The following HERC3 variants were observed in gnomAD, a reference collection of about 807,000 sequenced individuals.
HERC3 encodes the protein probable E3 ubiquitin-protein ligase HERC3.
In HERC3, 58 loss-of-function variants were observed where a neutral mutation model predicts 129.9. That is an observed-to-expected ratio of 0.45 (90% CI 0.36 to 0.56). HERC3 has a LOEUF of 0.56. Ranked by LOEUF, HERC3 falls within the 20% of genes least tolerant of loss-of-function variation. The pLI is 0.00. For synonymous variants in HERC3, 430 were observed against 451.0 expected (o/e 0.95, Z 0.59); for missense variants, 835 against 1,244.2 (o/e 0.67, Z 4.95).
chr4:88,601,036 C>A (rs1270696719), intron 2 of HERC3, among the ~76,000 whole-genome samples: 2 of 152,212 alleles, frequency 1.3e-5, no homozygotes, highest in Admixed American at 6.5e-5. Flanking sequence ...ACCACCACTA[C>A]CCTGCCAGTT....
In HERC3 at chr4:88,669,884, C is replaced by A; in HGVS notation, c.1658C>A (p.Pro553Gln). ...GATAACTGGTGGTCTCAGGTATGCC[C>A]GAAATATTTCATGAAGCTGGTAAAC... ...VLDNWWSQVC[P>Q]KYFMKLVNLY... is the part of the protein sequence containing the mutation. The change falls in exon 15 of 26, where the codon CCG (proline) becomes CAG (glutamine). Residue 553 changes from proline to glutamine, a missense_variant. Pro to Gln is a moderately conservative substitution (Grantham distance 76). Transcript: ENST00000402738. 6.2e-7 allele frequency: 1 copy of A among 1,613,260 alleles called. No individual in the cohort carries two copies. Among genetic ancestry groups the A allele is most frequent in the South Asian group, 1.1e-5 (1 of 91,020 alleles).
chr4:88,540,332 G>A, the HERC3 span, among the ~76,000 whole-genome samples: 2 of 152,154 alleles, frequency 1.3e-5, no homozygotes, highest in Non-Finnish European at 2.9e-5. Context: ...TGATCAAGTG[G>A]AAGAAAAGAT....
chr4:88,681,519 A>G (rs1020530843), intron 21 of HERC3, among the ~76,000 whole-genome samples, 194 bp downstream of exon 21: 1 of 152,154 alleles, frequency 6.6e-6, no homozygotes, highest in Non-Finnish European at 1.5e-5. Context: ...TCGGTACAGT[A>G]TCGGTATCCG....
intron 3 of HERC3, among the ~76,000 whole-genome samples, chr4:88,618,866 A>G (rs1371953130): frequency 6.6e-6 from 1 of 152,206 alleles, no homozygotes; most frequent in African/African-American, 2.4e-5. Flanking sequence ...AACAACTAAC[A>G]CTATTTTTAA....
At chr4:88,648,342 G>A (rs1449455061) in intron 3 of HERC3, among the ~76,000 whole-genome samples, 1 of 152,114 alleles carries the variant, frequency 6.6e-6, no homozygotes, top group African/African-American at 2.4e-5. Flanking sequence ...TGTTTTGGAG[G>A]CATATCTTCC....
the HERC3 span, among the ~76,000 whole-genome samples, chr4:88,579,355 C>T: frequency 1.3e-5 from 2 of 151,728 alleles, no homozygotes; most frequent in African/African-American, 2.4e-5. Flanking sequence ...TGCAGTGGGC[C>T]GAGATGGCGT....
intron 21 of HERC3, among the ~76,000 whole-genome samples, chr4:88,684,371 A>C (rs577750993): frequency 1.3e-5 from 2 of 152,348 alleles, no homozygotes; most frequent in East Asian, 3.9e-4. Context: ...TGAGGAAAGG[A>C]TTCCCTATTT....
the HERC3 span, among the ~76,000 whole-genome samples, chr4:88,572,818 ATAAT>A: frequency 3.5e-5 from 5 of 144,026 alleles, no homozygotes; most frequent in African/African-American, 1.3e-4. Context: ...AAAAAAAAAA[ATAAT>A]AATAATAATA....
At chr4:88,647,986 C>T (rs1235119060) in intron 3 of HERC3, among the ~76,000 whole-genome samples, 4 of 151,988 alleles carry the variant, frequency 2.6e-5, no homozygotes, top group Admixed American at 2.0e-4. Context: ...CTCATCCTTC[C>T]CCAAAGAGTT....
the HERC3 span, among the ~76,000 whole-genome samples, chr4:88,539,328 A>C: frequency 1.3e-5 from 2 of 152,064 alleles, no homozygotes; most frequent in Admixed American, 1.3e-4. Flanking sequence ...CTAGCACAGC[A>C]GTCTGAAATC....
At chr4:88,579,232 A>AAAATATATATATAT in the HERC3 span, among the ~76,000 whole-genome samples, 10 of 104,090 alleles carry the variant, frequency 9.6e-5, no homozygotes, top group African/African-American at 6.1e-4. Context: ...AAAAAAAAAA[A>AAAATATATATATAT]ATATATATAT....
rs1369432579 is a variant in HERC3 at position 88,690,206 on chromosome 4, G to C, written c.2657+2907G>C. 3 of 979,798 alleles carry C rather than the reference G, an allele frequency of 3.1e-6. No homozygotes were observed. In the East Asian group the frequency reaches 3.4e-4, roughly 112 times the overall value. The allele number at this position is 979,798 out of a possible 1,614,324, so 60.7% of individuals were successfully genotyped here. On this transcript the variant is annotated intron_variant, in intron 23 of 25. Coordinates refer to ENST00000402738, the MANE Select transcript of HERC3 (RefSeq NM_014606.3). Reference sequence around the variant, plus strand: ...TCCTTTATATAACATTGGTACTTTTGTTAACAGTAAATAATTTATCTTCAG... The same window carrying C: ...TCCTTTATATAACATTGGTACTTTTCTTAACAGTAAATAATTTATCTTCAG...
At chr4:88,663,789 GA>G (rs1730757469) in intron 11 of HERC3, among the ~76,000 whole-genome samples, 1 of 152,324 alleles carries the variant, frequency 6.6e-6, no homozygotes, top group Admixed American at 6.5e-5. Context: ...CTGTGTTCGG[GA>G]AGTAACAGCT....
At chr4:88,587,948 C>T (rs545430292), upstream of HERC3, among the ~76,000 whole-genome samples, 2 of 152,210 alleles carry the variant, frequency 1.3e-5, no homozygotes, top group Non-Finnish European at 2.9e-5. Context: ...AAAGGAGGAA[C>T]CTTCACGAAA....
At chr4:88,538,566 C>T in the HERC3 span, among the ~76,000 whole-genome samples, 6 of 129,404 alleles carry the variant, frequency 4.6e-5, no homozygotes, top group East Asian at 2.3e-4. Flanking sequence ...TTTTTTTTGA[C>T]GAAGTCTCGC....
At chr4:88,629,663 G>A (rs1412051857) in intron 3 of HERC3, among the ~76,000 whole-genome samples, 2 of 152,070 alleles carry the variant, frequency 1.3e-5, no homozygotes, top group African/African-American at 4.8e-5. Context: ...TACTAACATT[G>A]GGTGTAACTT....
At chr4:88,536,387 C>T in the HERC3 span, among the ~76,000 whole-genome samples, 2 of 152,156 alleles carry the variant, frequency 1.3e-5, no homozygotes, top group African/African-American at 4.8e-5. Context: ...TAACTCCTTC[C>T]TTCTCCCTGC....
At chr4:88,585,791 G>A in the HERC3 span, among the ~76,000 whole-genome samples, 22,521 of 152,052 alleles carry the variant, frequency 0.15, 3,453 homozygotes, top group African/African-American at 0.39. Flanking sequence ...GTTAACCTAA[G>A]CTAATGTTTA....
chr4:88,696,989 T>A (rs912227236), intron 23 of HERC3: 3 of 456,986 alleles, frequency 6.6e-6, no homozygotes, highest in Non-Finnish European at 1.1e-5. Context: ...CTTTAACACC[T>A]TTTGATATAT....
Sources: gnomAD v4.1 joint callset for allele counts (sites outside exome capture counted in the v4.1 genomes callset) on GRCh38, gnomAD v4.1.1 for gene constraint, MANE v1.5 for transcripts, NCBI Gene and HGNC (gene_info 2026-07-23, HGNC 2026-07-21) for gene names.